Variants in MUC5B observed in about 807,000 individuals in gnomAD.
MUC5B encodes mucin 5B, oligomeric mucus/gel-forming.
MUC5B carries 116 observed loss-of-function variants against 376.9 expected under a neutral mutation model. The ratio of observed to expected loss-of-function variants is 0.31; its 90% confidence interval spans 0.26 to 0.36. The LOEUF (loss-of-function observed/expected upper bound fraction) is 0.36. MUC5B is among the 10% of genes least tolerant of loss of function. The probability of loss-of-function intolerance (pLI) is 1.00; values close to 1 mark genes in which losing one functional copy is unlikely to be tolerated. For synonymous variants in MUC5B, 3,517 were observed against 3,390.9 expected (o/e 1.04, Z -1.29); for missense variants, 7,165 against 7,769.9 (o/e 0.92, Z 2.93).
At position 1,244,342 on chromosome 11, in the gene MUC5B, C is replaced by G; in HGVS notation, c.7462C>G (p.Gln2488Glu). 1 of 1,600,212 alleles carries G rather than the reference C, an allele frequency of 6.2e-7. No homozygotes were observed. Residue 2488 changes from glutamine (Q) to glutamate (E), a missense_variant, in exon 31 of 49, where the codon CAG becomes GAG. This residue lies in a region of MUC5B where 194 missense variants were observed against 268.5 expected (regional missense o/e 0.72). Coordinates refer to ENST00000529681, the MANE Select transcript of MUC5B (RefSeq NM_002458.3). ...ATCCACGGCCACCGCCTCCTCCACCCAGGCAACTGCTGGCACCCCACATGT... is the reference window on the plus strand; with the variant it reads ...ATCCACGGCCACCGCCTCCTCCACCGAGGCAACTGCTGGCACCCCACATGT... The part of the protein sequence containing the change: ...TGSTATASST[Q>E]ATAGTPHVST...
At position 1,258,059 on chromosome 11, in the gene MUC5B, A is replaced by G; in HGVS notation, c.16451-40A>G. ...CTGGGAACAAGTGGTCGGGAGGAGG[A>G]GTGAGCAGCGCCCAGACAGTGGCCT... On this transcript the variant is annotated intron_variant, in intron 41 of 48. Coordinates refer to ENST00000529681, the MANE Select transcript of MUC5B (RefSeq NM_002458.3). This position sits in a 1 kb window ranked among gnomAD's most constrained non-coding sequence, Gnocchi z 5.5. 6.6e-7 allele frequency: 1 copy of G among 1,519,186 alleles called. No homozygotes were observed. The highest frequency in any genetic ancestry group is 8.9e-7 in the Non-Finnish European group (1 of 1,119,766). 94.1% of individuals were successfully genotyped at this position (1,519,186 alleles called of 1,614,324 possible). A position where few individuals can be genotyped will look rare whatever the true frequency, so the allele number is the denominator to read the frequency against.
chr11:1,239,126 G>A (rs746146871), intron 26 of MUC5B, 99 bp downstream of exon 26: 10 of 1,394,204 alleles, frequency 7.2e-6, no homozygotes, highest in Middle Eastern at 1.7e-4. Flanking sequence ...GGCCTGAGCC[G>A]CACACAGACA....
rs1862495440 is a variant in MUC5B, at chr11:1,246,986, T to C, written c.10106T>C (p.Val3369Ala). The change falls in exon 31 of 49, where the codon GTG (valine) becomes GCG (alanine). Residue 3369 changes from valine (V) to alanine (A), a missense_variant. Physicochemically the swap from Val to Ala is moderately conservative, Grantham distance 64. Around this residue, in one of 31 missense-constraint regions of MUC5B, gnomAD observed 939 missense variants for 770.6 expected, o/e 1.22. Transcript: ENST00000529681. ...ATVLTTTTTT[V>A]ATGSMATPSS... Reference sequence around the variant, plus strand: ...GTGCTGACCACCACCACCACAACTGTGGCCACTGGTTCTATGGCAACACCC... The same window carrying C: ...GTGCTGACCACCACCACCACAACTGCGGCCACTGGTTCTATGGCAACACCC... The C allele has an allele frequency of 2.5e-6, 4 of 1,569,328 alleles. No individual in the cohort carries two copies. In the African/African-American group the frequency reaches 4.1e-5, roughly 16 times the overall value.
intron 36 of MUC5B, 54 bp downstream of exon 36, chr11:1,255,320 T>TGCAC (rs940551677): frequency 2.2e-5 from 34 of 1,514,260 alleles, no homozygotes; most frequent in African/African-American, 2.8e-5. Flanking sequence ...CCCGCCCGCA[T>TGCAC]GCACGCACGC....
chr11:1,231,000 C>G lies in MUC5B; in HGVS notation c.1535C>G (p.Ser512Trp), dbSNP rs761732321. ...TCCATCTACACGCAGCTGCCCCTGT[C>G]GGCAGGTATGTGGCTCTCCCAGGAC... is the stretch of plus-strand genomic sequence containing the variant. ...LNSIYTQLPL[S>W]AANITLFTPS... Residue 512 changes from serine to tryptophan, a missense_variant, in exon 13 of 49, where the codon TCG (serine) becomes TGG (tryptophan). Around this residue, in one of 31 missense-constraint regions of MUC5B, gnomAD observed 640 missense variants for 733.0 expected, o/e 0.87. Coordinates refer to ENST00000529681, the MANE Select transcript of MUC5B (RefSeq NM_002458.3). 1.9e-6 allele frequency: 3 copies of G among 1,592,420 alleles called. No homozygotes were observed. Among genetic ancestry groups the G allele is most frequent in the African/African-American group, 2.7e-5 (2 of 74,418 alleles).
rs770619841 is a variant in MUC5B at position 1,242,476 on chromosome 11, T to A, written c.5596T>A (p.Phe1866Ile). The A allele has an allele frequency of 1.9e-6, 3 of 1,611,616 alleles. No homozygotes were observed. The highest frequency in any genetic ancestry group is 1.7e-5 in the Admixed American group (1 of 59,730). ...CAAGAACGAAGACCAGACAGGCAGG[T>A]TCAACATGTGCTTCAACTACAACGT... ...TCKNEDQTGR[F>I]NMCFNYNVRV... Residue 1866 changes from phenylalanine to isoleucine, a missense_variant, in exon 31 of 49, where the codon TTC (phenylalanine) becomes ATC (isoleucine). Around this residue, in one of 31 missense-constraint regions of MUC5B, gnomAD observed 897 missense variants for 779.6 expected, o/e 1.15. Coordinates refer to ENST00000529681, the MANE Select transcript of MUC5B (RefSeq NM_002458.3).
At chr11:1,235,050 C>A in intron 21 of MUC5B, 35 bp from the exon 22 acceptor site, 1 of 1,589,312 alleles carries the variant, frequency 6.3e-7, no homozygotes, top group Non-Finnish European at 8.6e-7. Context: ...GGAGAGCAGG[C>A]CCCTGTGAGC....
Position 1,242,506 on chromosome 11 carries a change from G to A in MUC5B, c.5626G>A (p.Val1876Met), listed in dbSNP as rs1396766109. ...FNMCFNYNVR[V>M]LCCDDYSHCP... ...CATGTGCTTCAACTACAACGTGCGT[G>A]TGCTTTGCTGTGACGACTACAGCCA... The change falls in exon 31 of 49, where the codon GTG (valine) becomes ATG (methionine). Residue 1876 changes from valine to methionine, a missense_variant. Physicochemically the swap from Val to Met is conservative, Grantham distance 21. Around this residue, in one of 31 missense-constraint regions of MUC5B, gnomAD observed 897 missense variants for 779.6 expected, o/e 1.15. Transcript: ENST00000529681. 2.5e-6 allele frequency: 4 copies of A among 1,613,788 alleles called. No individual in the cohort carries two copies. The highest frequency in any genetic ancestry group is 3.4e-6 in the Non-Finnish European group (4 of 1,179,798).
In MUC5B at chr11:1,261,462, G is replaced by A. The variant is rs1470741433; in HGVS notation, c.17143G>A (p.Val5715Met). 3 of 1,553,604 alleles carry A rather than the reference G, an allele frequency of 1.9e-6. No individual in the cohort carries two copies. The highest frequency in any genetic ancestry group is 2.6e-6 in the Non-Finnish European group (3 of 1,150,360). Reference sequence around the variant, plus strand: ...GGAGAGGCGGGTCCACGAGGAGACGGTGCCCTTGCACTGTCCTAACGGCTC... The same window carrying A: ...GGAGAGGCGGGTCCACGAGGAGACGATGCCCTTGCACTGTCCTAACGGCTC... ...CQERRVHEET[V>M]PLHCPNGSAI... The change falls in exon 49 of 49, where the codon GTG (valine) becomes ATG (methionine). Residue 5715 changes from valine to methionine, a missense_variant. Val to Met is a conservative substitution (Grantham distance 21). Around this residue, in one of 31 missense-constraint regions of MUC5B, gnomAD observed 842 missense variants for 1,016.9 expected, o/e 0.83. Transcript: ENST00000529681.
rs377735149 is a variant in MUC5B, at chr11:1,245,022, T to G, written c.8142T>G (p.Pro2714=). 1 of 1,523,024 alleles carries G rather than the reference T, an allele frequency of 6.6e-7. No homozygotes were observed. The highest frequency in any genetic ancestry group is 8.8e-7 in the Non-Finnish European group (1 of 1,133,456). The allele number at this position is 1,523,024 out of a possible 1,614,324, so 94.3% of individuals were successfully genotyped here. ...CCTCCTCAACTCCAGGGACAACACC[T>G]ATCCCCCCAGTGCTGACCACCACCG... ...TNPSSTPGTT[P]IPPVLTTTAT... Residue 2714 remains proline, a synonymous_variant, in exon 31 of 49, where the codon CCT becomes CCG. Coordinates refer to ENST00000529681, the MANE Select transcript of MUC5B (RefSeq NM_002458.3).
At position 1,246,900 on chromosome 11, in the gene MUC5B, C is replaced by G; in HGVS notation, c.10020C>G (p.Pro3340=). ...TGTGGATCAGCACAACCACCACACCCACAACCAGAGGCTCCACGGTGACCC... is the reference window on the plus strand; with the variant it reads ...TGTGGATCAGCACAACCACCACACCGACAACCAGAGGCTCCACGGTGACCC... ...PPVWISTTTT[P]TTRGSTVTPS... is the part of the protein sequence containing the mutation. The change falls in exon 31 of 49, where the codon CCC becomes CCG. Residue 3340 remains proline, a synonymous_variant. Coordinates refer to ENST00000529681, the MANE Select transcript of MUC5B (RefSeq NM_002458.3). 2 of 1,611,064 alleles carry G rather than the reference C, an allele frequency of 1.2e-6. No homozygotes were observed. Among genetic ancestry groups the G allele is most frequent in the Non-Finnish European group, 8.5e-7 (1 of 1,178,808 alleles).
Position 1,253,959 on chromosome 11 carries a change from A to G in MUC5B, c.15218-133A>G. The G allele has an allele frequency of 8.0e-7, 1 of 1,256,662 alleles. No individual in the cohort carries two copies. The highest frequency in any genetic ancestry group is 1.1e-6 in the Non-Finnish European group (1 of 920,150). 77.8% of individuals were successfully genotyped at this position (1,256,662 alleles called of 1,614,324 possible). ...CACACTGGACCCATTTTTATAGACG[A>G]GGCAGCTGAGGCCCCAGGGGCTTCA... On this transcript the variant is annotated intron_variant, in intron 33 of 48. Coordinates refer to ENST00000529681, the MANE Select transcript of MUC5B (RefSeq NM_002458.3). The surrounding 1 kb of genome is among the most constrained non-coding windows in gnomAD (Gnocchi z 4.3).
In MUC5B at chr11:1,254,921, T is replaced by C. The variant is rs377689440; in HGVS notation, c.15664+41T>C. 638 of 1,431,220 alleles carry C rather than the reference T, an allele frequency of 4.5e-4. 7 individuals carry two copies. The African/African-American group carries it at 9.3e-3, about 21-fold the overall frequency. The allele number at this position is 1,431,220 out of a possible 1,614,324, so 88.7% of individuals were successfully genotyped here. ...GTCCTGCCCCGGCCAGGGCTGCTGC[T>C]GGGCCTGACAACCCAGTGAGCATAG... On this transcript the variant is annotated intron_variant, in intron 35 of 48. Coordinates refer to ENST00000529681, the MANE Select transcript of MUC5B (RefSeq NM_002458.3).
chr11:1,224,634 C>T (rs958951916), intron 1 of MUC5B, among the ~76,000 whole-genome samples: 8 of 151,468 alleles, frequency 5.3e-5, no homozygotes, highest in Non-Finnish European at 1.2e-4. Flanking sequence ...GTGGGAGTGG[C>T]TGGTTGGGCT....
rs1234678019 is a variant in MUC5B, at chr11:1,228,598, C to G, written c.809C>G (p.Ala270Gly). 15 of 1,530,970 alleles carry G rather than the reference C, an allele frequency of 9.8e-6. No individual in the cohort carries two copies. Among genetic ancestry groups the G allele is most frequent in the Non-Finnish European group, 1.3e-5 (15 of 1,144,020 alleles). The allele number at this position is 1,530,970 out of a possible 1,614,324, so 94.8% of individuals were successfully genotyped here. A position where few individuals can be genotyped will look rare whatever the true frequency, so the allele number is the denominator to read the frequency against. Residue 270 changes from alanine (A) to glycine (G), a missense_variant, in exon 8 of 49, where the codon GCC (alanine) becomes GGC (glycine). Around this residue, in one of 31 missense-constraint regions of MUC5B, gnomAD observed 640 missense variants for 733.0 expected, o/e 0.87. Coordinates refer to ENST00000529681, the MANE Select transcript of MUC5B (RefSeq NM_002458.3). ...GICHRTLLGP[A>G]FAECHALVDS... ...TGCCACCGCACCCTGCTGGGGCCGGCCTTTGCGGAGTGCCACGCACTGGTG... is the reference window on the plus strand; with the variant it reads ...TGCCACCGCACCCTGCTGGGGCCGGGCTTTGCGGAGTGCCACGCACTGGTG...
rs775054870 is a variant in MUC5B, at chr11:1,238,907, G to A, written c.3334G>A (p.Asp1112Asn). ...STKYYEACVN[D>N]ACACDSGGDC... Reference sequence around the variant, plus strand: ...CAAGTACTACGAGGCCTGCGTGAACGACGCGTGTGCCTGCGACTCGGGTGG... The same window carrying A: ...CAAGTACTACGAGGCCTGCGTGAACAACGCGTGTGCCTGCGACTCGGGTGG... The change falls in exon 26 of 49, where the codon GAC (aspartate) becomes AAC (asparagine). Residue 1112 changes from aspartate (D) to asparagine (N), a missense_variant. By Grantham distance (23) the Asp-to-Asn change is conservative. Around this residue, in one of 31 missense-constraint regions of MUC5B, gnomAD observed 143 missense variants for 193.2 expected, o/e 0.74. Transcript: ENST00000529681. The A allele has an allele frequency of 3.3e-5, 52 of 1,567,466 alleles. No homozygotes were observed. Among genetic ancestry groups the A allele is most frequent in the East Asian group, 9.5e-5 (4 of 42,158 alleles).
Position 1,236,461 on chromosome 11 carries a change from A to G in MUC5B, c.2956A>G (p.Ile986Val). ...RGPGGDPPYK[I>V]RYMGIFLVIE... The stretch of plus-strand genomic sequence containing the variant: ...GCCGGGTGGGGACCCACCCTACAAG[A>G]TACGCTACATGGGGATCTTCCTGGT... The change falls in exon 24 of 49, where the codon ATA becomes GTA. Residue 986 changes from isoleucine to valine, a missense_variant. Coordinates refer to ENST00000529681, the MANE Select transcript of MUC5B (RefSeq NM_002458.3). 1 of 1,612,922 alleles carries G rather than the reference A, an allele frequency of 6.2e-7. No homozygotes were observed.
rs1180650051 is a variant in MUC5B at position 1,257,983 on chromosome 11, G to C, written c.16451-116G>C. 1 of 1,113,280 alleles carries C rather than the reference G, an allele frequency of 9.0e-7. No homozygotes were observed. The highest frequency in any genetic ancestry group is 1.6e-5 in the African/African-American group (1 of 64,452). The allele number at this position is 1,113,280 out of a possible 1,614,324, so 69.0% of individuals were successfully genotyped here. A position where few individuals can be genotyped will look rare whatever the true frequency, so the allele number is the denominator to read the frequency against. ...GCAAGGGGCCTGGAGGGAGCCCCCAGGGGCTGTGAAGCGGTCAGGTCCTCG... is the reference window on the plus strand; with the variant it reads ...GCAAGGGGCCTGGAGGGAGCCCCCACGGGCTGTGAAGCGGTCAGGTCCTCG... On this transcript the variant is annotated intron_variant, in intron 41 of 48. Coordinates refer to ENST00000529681, the MANE Select transcript of MUC5B (RefSeq NM_002458.3). The surrounding 1 kb of genome is among the most constrained non-coding windows in gnomAD (Gnocchi z 8.9).
At position 1,241,336 on chromosome 11, in the gene MUC5B, T is replaced by C. The variant is rs756260893; in HGVS notation, c.4456T>C (p.Ser1486Pro). Residue 1486 changes from serine to proline, a missense_variant, in exon 31 of 49, where the codon TCC becomes CCC. Transcript: ENST00000529681. ...GGCGGCCCTCACCTCGCAGACTGGGTCCAGCTCAGGCCCCGTGACGGTCAC... is the reference window on the plus strand; with the variant it reads ...GGCGGCCCTCACCTCGCAGACTGGGCCCAGCTCAGGCCCCGTGACGGTCAC... ...STAALTSQTG[S>P]SSGPVTVTPS... 1 of 1,610,624 alleles carries C rather than the reference T, an allele frequency of 6.2e-7. No homozygotes were observed. The highest frequency in any genetic ancestry group is 8.5e-7 in the Non-Finnish European group (1 of 1,178,382).
Sources: allele counts gnomAD v4.1 joint callset (sites outside exome capture counted in the v4.1 genomes callset), GRCh38; gene constraint gnomAD v4.1.1; regional missense constraint gnomAD v4.1.1; non-coding constraint Gnocchi (gnomAD v3.1); transcripts MANE v1.5; gene names NCBI Gene and HGNC (gene_info 2026-07-23, HGNC 2026-07-21).